NR2C2: variants seen among roughly 807,000 people sequenced by gnomAD.
The protein encoded by NR2C2 is nuclear receptor subfamily 2 group C member 2.
In NR2C2, 6 loss-of-function variants were observed where a neutral mutation model predicts 62.9. The ratio of observed to expected loss-of-function variants is 0.10; its 90% confidence interval spans 0.05 to 0.19. The LOEUF is 0.19. NR2C2 is among the 10% of genes least tolerant of loss of function. The pLI, the probability that NR2C2 is intolerant of heterozygous loss-of-function variation, is 1.00. For missense variants in NR2C2, 479 were observed against 762.7 expected, an observed-to-expected ratio of 0.63 and a Z score of 4.38; for synonymous variants, 272 against 273.8, an observed-to-expected ratio of 0.99 and a Z score of 0.07.
chr3:15,008,035 C>G (rs114220813), intron 2 of NR2C2, among the ~76,000 whole-genome samples: 1 of 152,118 alleles, frequency 6.6e-6, no homozygotes, highest in African/African-American at 2.4e-5. Context: ...TAGGGATAAA[C>G]TGGAGAGGCT....
chr3:14,962,099 C>G (rs1334841174), intron 1 of NR2C2, among the ~76,000 whole-genome samples: 1 of 152,178 alleles, frequency 6.6e-6, no homozygotes, highest in African/African-American at 2.4e-5. Context: ...AGGTGTGATT[C>G]CCACCTCCCT....
intron 2 of NR2C2, among the ~76,000 whole-genome samples, chr3:15,005,361 C>T (rs1364518382): frequency 7.1e-6 from 1 of 140,826 alleles, no homozygotes; most frequent in Non-Finnish European, 1.5e-5. Flanking sequence ...TACACACACG[C>T]ATAATGCTTT....
In NR2C2 at chr3:15,013,754, A is replaced by G. The variant is rs764497516; in HGVS notation, c.238A>G (p.Thr80Ala). The G allele has an allele frequency of 2.5e-6, 4 of 1,614,076 alleles. No individual in the cohort carries two copies. The East Asian group carries it at 8.9e-5, about 36-fold the overall frequency. Reference protein sequence around the residue: ...ETSSAKQLIFTTSDNLVPGRI... With the variant: ...ETSSAKQLIFATSDNLVPGRI... Reference sequence around the variant, plus strand: ...ATCCAGCGCCAAGCAACTCATATTCACCACCTCAGACAACCTCGTCCCTGG... The same window carrying G: ...ATCCAGCGCCAAGCAACTCATATTCGCCACCTCAGACAACCTCGTCCCTGG... The change falls in exon 3 of 14, where the codon ACC becomes GCC. Residue 80 changes from threonine (T) to alanine (A), a missense_variant. Around this residue, in one of 4 missense-constraint regions of NR2C2, gnomAD observed 115 missense variants for 152.3 expected, o/e 0.76. Transcript: ENST00000425241.
At chr3:14,969,842 C>G (rs769258448) in intron 1 of NR2C2, among the ~76,000 whole-genome samples, 11 of 152,092 alleles carry the variant, frequency 7.2e-5, no homozygotes, top group Non-Finnish European at 1.2e-4. Flanking sequence ...TTGCAGAAAA[C>G]TTACACTAAC....
chr3:15,038,053 C>A lies in NR2C2; in HGVS notation c.1426C>A (p.Gln476Lys), dbSNP rs2125085692. 6.2e-7 allele frequency: 1 copy of A among 1,614,126 alleles called. No homozygotes were observed. The change falls in exon 12 of 14, where the codon CAG (glutamine) becomes AAG (lysine). Residue 476 changes from glutamine to lysine, a missense_variant. Around this residue, in one of 4 missense-constraint regions of NR2C2, gnomAD observed 162 missense variants for 296.8 expected, o/e 0.55. Transcript: ENST00000425241. The stretch of plus-strand genomic sequence containing the variant: ...AGTCATGGAGCACATCTGGAAGCTG[C>A]AGGAGTTCTGTAACAGCATGGCGAA... Reference protein sequence around the residue: ...KQVMEHIWKLQEFCNSMAKLD... With the variant: ...KQVMEHIWKLKEFCNSMAKLD...
At position 15,016,352 on chromosome 3, in the gene NR2C2, A is replaced by G. The variant is rs2041511654; in HGVS notation, c.376+98A>G. The G allele has an allele frequency of 2.0e-5, 16 of 806,608 alleles. No homozygotes were observed. In the South Asian group the frequency reaches 2.4e-4, roughly 12 times the overall value. The allele number at this position is 806,608 out of a possible 1,614,324, so 50.0% of individuals were successfully genotyped here. On this transcript the variant is annotated intron_variant, in intron 4 of 13. Transcript: ENST00000425241. ...GTAGTTAATTTAGAAGGACCATTTT[A>G]TGTACGTTTGTAGGTTTCACATGTG...
At chr3:15,004,626 A>C in intron 2 of NR2C2, 1 of 1,611,384 alleles carries the variant, frequency 6.2e-7, no homozygotes, top group Non-Finnish European at 8.5e-7. Context: ...AGGTGTATCA[A>C]GCTTGAAGGC....
intron 1 of NR2C2, among the ~76,000 whole-genome samples, chr3:14,988,359 C>T (rs2040567744): frequency 6.6e-6 from 1 of 152,260 alleles, no homozygotes; most frequent in African/African-American, 2.4e-5. Flanking sequence ...GAGAGAGGCA[C>T]TGCCTCACCC....
At position 15,043,146 on chromosome 3, in the gene NR2C2, A is replaced by T. The variant is rs2042330194; in HGVS notation, c.*138A>T. The T allele has an allele frequency of 1.5e-6, 1 of 670,176 alleles. No homozygotes were observed. The highest frequency in any genetic ancestry group is 4.8e-5 in the South Asian group (1 of 20,938). The allele number at this position is 670,176 out of a possible 1,614,324, so 41.5% of individuals were successfully genotyped here. ...CTGTCTGGTTTCTCCTTATCTGTTA[A>T]TCCCAGACAATAGCAATTAAAAGAC... is the stretch of plus-strand genomic sequence containing the variant. On this transcript the variant is annotated 3_prime_UTR_variant, in exon 14 of 14. Coordinates refer to ENST00000425241, the MANE Select transcript of NR2C2 (RefSeq NM_001291694.2).
intron 1 of NR2C2, among the ~76,000 whole-genome samples, chr3:14,994,864 A>G (rs2040779920): frequency 6.7e-6 from 1 of 148,320 alleles, no homozygotes; most frequent in African/African-American, 2.5e-5. Context: ...GCAGTGAGCT[A>G]TGATTGTGCC....
intron 1 of NR2C2, among the ~76,000 whole-genome samples, chr3:14,953,882 G>A (rs1396764296): frequency 9.1e-5 from 13 of 142,696 alleles, no homozygotes; most frequent in Admixed American, 4.9e-4. Context: ...GCGACAGTGC[G>A]AGACTTCATC....
At chr3:15,038,301 T>A in intron 12 of NR2C2, 164 bp downstream of exon 12, 1 of 648,838 alleles carries the variant, frequency 1.5e-6, no homozygotes, top group Non-Finnish European at 2.4e-6. Flanking sequence ...TAAACGCTTT[T>A]AAATTCTTGC....
At position 15,004,410 on chromosome 3, in the gene NR2C2, G is replaced by A. The variant is rs928133455; in HGVS notation, c.72+424G>A. Reference sequence around the variant, plus strand: ...AGTATTTGCCTCACGAAGTTATTATGAAGAATCAAAGGGATATTGCTTATA... The same window carrying A: ...AGTATTTGCCTCACGAAGTTATTATAAAGAATCAAAGGGATATTGCTTATA... On this transcript the variant is annotated intron_variant, in intron 2 of 13. Coordinates refer to ENST00000425241, the MANE Select transcript of NR2C2 (RefSeq NM_001291694.2). 2.1e-5 allele frequency: 15 copies of A among 708,358 alleles called. No homozygotes were observed. The African/African-American group carries it at 2.8e-4, about 13-fold the overall frequency. The allele number at this position is 708,358 out of a possible 1,614,324, so 43.9% of individuals were successfully genotyped here.
chr3:14,963,358 T>C lies in NR2C2; in HGVS notation c.-40+15452T>C, dbSNP rs562157843. Among the ~76,000 whole-genome samples, 17 of 152,380 alleles carry C rather than the reference T, an allele frequency of 1.1e-4. No homozygotes were observed. The East Asian group carries it at 2.9e-3, about 26-fold the overall frequency. On this transcript the variant is annotated intron_variant, in intron 1 of 13. Coordinates refer to ENST00000425241, the MANE Select transcript of NR2C2 (RefSeq NM_001291694.2). ...AAAATAAGTAATTAGCCAAAGGCAC[T>C]GTATAGCAGGACAAGATGCTGACGC...
chr3:14,974,690 A>G (rs986395802), intron 1 of NR2C2, among the ~76,000 whole-genome samples: 1 of 149,454 alleles, frequency 6.7e-6, no homozygotes, highest in Non-Finnish European at 1.5e-5. Flanking sequence ...TGCAACCTCC[A>G]CTTCACAGGT....
At chr3:15,024,768 T>TC (rs1348811069) in intron 7 of NR2C2, among the ~76,000 whole-genome samples, 1 of 152,206 alleles carries the variant, frequency 6.6e-6, no homozygotes, top group African/African-American at 2.4e-5. Flanking sequence ...ACTGTTTGTC[T>TC]CATCCTGGTG....
At chr3:15,042,588 TGAG>T (rs1434951672) in intron 13 of NR2C2, 13 of 366,706 alleles carry the variant, frequency 3.5e-5, no homozygotes, top group Non-Finnish European at 4.9e-5. Context: ...GTGGTGGGGG[TGAG>T]GAGAGTTGGA....
At chr3:15,029,449 A>C (rs1025791846) in intron 8 of NR2C2, among the ~76,000 whole-genome samples, 3 of 152,336 alleles carry the variant, frequency 2.0e-5, no homozygotes, top group African/African-American at 7.2e-5. Context: ...GCTGGAGACT[A>C]TACAAGTGTT....
chr3:14,961,245 C>A (rs1286961628), intron 1 of NR2C2, among the ~76,000 whole-genome samples: 1 of 152,102 alleles, frequency 6.6e-6, no homozygotes, highest in Non-Finnish European at 1.5e-5. Flanking sequence ...ATAGAGGTGG[C>A]TATCTAATAA....
Sources: allele counts gnomAD v4.1 joint callset (sites outside exome capture counted in the v4.1 genomes callset), GRCh38; gene constraint gnomAD v4.1.1; regional missense constraint gnomAD v4.1.1; transcripts MANE v1.5; gene names NCBI Gene and HGNC (gene_info 2026-07-23, HGNC 2026-07-21).